The following NAV3 variants were observed in gnomAD, a reference collection of about 807,000 sequenced individuals.
The protein encoded by NAV3 is pore membrane and/or filament interacting like protein 1.
A neutral mutation model predicts 244.7 loss-of-function variants in NAV3; 87 were observed. That is an observed-to-expected ratio of 0.36 (90% CI 0.30 to 0.42). The LOEUF is 0.42. Among genes scored for constraint, NAV3 ranks in the 20% least tolerant of loss-of-function variants. The pLI, the probability that NAV3 is intolerant of heterozygous loss-of-function variation, is 1.00. For synonymous variants in NAV3, 1,126 were observed against 1,042.2 expected, an observed-to-expected ratio of 1.08 and a Z score of -1.55; for missense variants, 2,663 against 2,893.3, an observed-to-expected ratio of 0.92 and a Z score of 1.83.
chr12:77,647,028 C>T (rs554332483), intron 2 of NAV3, among the ~76,000 whole-genome samples: 12 of 150,884 alleles, frequency 8.0e-5, no homozygotes, highest in African/African-American at 2.9e-4. Flanking sequence ...GACATACACA[C>T]ACACATATAT....
At chr12:78,159,358 A>G in intron 23 of NAV3, 72 bp downstream of exon 23, 2 of 1,308,268 alleles carry the variant, frequency 1.5e-6, no homozygotes, top group Non-Finnish European at 2.2e-6. Flanking sequence ...ATAATACCTG[A>G]AGCTCCTTAA....
chr12:77,959,636 G>C (rs1017897934), intron 3 of NAV3, among the ~76,000 whole-genome samples: 1 of 151,648 alleles, frequency 6.6e-6, no homozygotes, highest in Non-Finnish European at 1.5e-5. Context: ...GAAAAAATCA[G>C]CTAAAATGAT....
At position 77,831,587 on chromosome 12, in the gene NAV3, G is replaced by A; in HGVS notation, c.126G>A (p.Leu42=). Residue 42 remains leucine (L), a synonymous_variant, in exon 1 of 40, where the codon TTG becomes TTA. Transcript: ENST00000397909. Reference sequence around the variant, plus strand: ...CACAGCACTGTTCTTCAAGACCTTTGGAACTTACTGAAACAGAGAGCTCCA... The same window carrying A: ...CACAGCACTGTTCTTCAAGACCTTTAGAACTTACTGAAACAGAGAGCTCCA... ...TGSQHCSSRP[L]ELTETESSML... is the part of the protein sequence containing the mutation. 1.2e-6 allele frequency: 2 copies of A among 1,613,990 alleles called. No homozygotes were observed. The highest frequency in any genetic ancestry group is 1.7e-6 in the Non-Finnish European group (2 of 1,179,956).
At chr12:78,148,250 G>T (rs1007198909) in intron 21 of NAV3, among the ~76,000 whole-genome samples, 5 of 151,918 alleles carry the variant, frequency 3.3e-5, no homozygotes, top group Non-Finnish European at 7.4e-5. Flanking sequence ...ATACAGATTT[G>T]GGAAGGCTTC....
At chr12:77,874,521 T>G (rs997672761) in intron 1 of NAV3, among the ~76,000 whole-genome samples, 5 of 152,182 alleles carry the variant, frequency 3.3e-5, no homozygotes, top group Non-Finnish European at 7.3e-5. Context: ...AGCATTCTTT[T>G]TAATCTTTGC....
At chr12:77,576,963 G>A (rs1869116346) in intron 2 of NAV3, among the ~76,000 whole-genome samples, 3 of 152,068 alleles carry the variant, frequency 2.0e-5, no homozygotes, top group Non-Finnish European at 4.4e-5. Context: ...AGCCAATCCT[G>A]AAGCACGGCT....
chr12:77,660,140 C>A (rs1425995289), intron 2 of NAV3, among the ~76,000 whole-genome samples: 1 of 151,804 alleles, frequency 6.6e-6, no homozygotes, highest in Non-Finnish European at 1.5e-5. Context: ...ATGAGATAGT[C>A]ATCTTATTTT....
chr12:78,191,430 A>ACAT (rs2139898770), intron 34 of NAV3, among the ~76,000 whole-genome samples: 1 of 152,258 alleles, frequency 6.6e-6, no homozygotes, highest in Non-Finnish European at 1.5e-5. Flanking sequence ...ACATATGCAC[A>ACAT]GTGCACGCGC....
intron 7 of NAV3, among the ~76,000 whole-genome samples, chr12:78,002,382 C>T (rs1873457421): frequency 6.6e-6 from 1 of 152,196 alleles, no homozygotes; most frequent in South Asian, 2.1e-4. Flanking sequence ...GGGCTTCCTT[C>T]TCTTTGTCTA....
chr12:77,579,517 G>A (rs1187526015), intron 2 of NAV3, among the ~76,000 whole-genome samples: 1 of 152,228 alleles, frequency 6.6e-6, no homozygotes, highest in Non-Finnish European at 1.5e-5. Flanking sequence ...GAAAGAGCAA[G>A]TGGTGGCTGA....
At chr12:77,983,726 A>T (rs1052549342) in intron 5 of NAV3, among the ~76,000 whole-genome samples, 1 of 152,196 alleles carries the variant, frequency 6.6e-6, no homozygotes, top group Admixed American at 6.5e-5. Flanking sequence ...TTACAGGTGA[A>T]GTGAGGAAAC....
At chr12:77,815,550 T>C (rs1872496427) in intron 2 of NAV3, among the ~76,000 whole-genome samples, 1 of 152,216 alleles carries the variant, frequency 6.6e-6, no homozygotes, top group African/African-American at 2.4e-5. Flanking sequence ...AATCCTGATA[T>C]AGCTCCTGAT....
At chr12:77,686,424 CTTTTT>C (rs10573795) in intron 2 of NAV3, among the ~76,000 whole-genome samples, 7,466 of 113,754 alleles carry the variant, frequency 0.066, 433 homozygotes, top group African/African-American at 0.17. Context: ...TTCTTTCTTT[CTTTTT>C]TTTTTTTTTT....
chr12:77,895,977 AAAGAG>A (rs1363634579), intron 1 of NAV3, among the ~76,000 whole-genome samples: 35 of 142,778 alleles, frequency 2.5e-4, no homozygotes, highest in African/African-American at 9.1e-4. Context: ...AAAAAAAAAA[AAAGAG>A]GAACTCTTTT....
At chr12:77,756,565 G>A (rs1286335804) in intron 2 of NAV3, among the ~76,000 whole-genome samples, 5 of 152,132 alleles carry the variant, frequency 3.3e-5, no homozygotes, top group African/African-American at 1.2e-4. Flanking sequence ...AGCCTGGAAT[G>A]TCATATGCAA....
chr12:78,060,646 G>A (rs2125713), intron 12 of NAV3, among the ~76,000 whole-genome samples: 9,099 of 152,130 alleles, frequency 0.06, 611 homozygotes, highest in African/African-American at 0.17. Context: ...GCTGGCAATC[G>A]CATCTAATTA....
chr12:77,781,945 A>G (rs1444885242), intron 2 of NAV3, among the ~76,000 whole-genome samples: 4 of 152,200 alleles, frequency 2.6e-5, no homozygotes, highest in Non-Finnish European at 4.4e-5. Context: ...TGGTCTATTG[A>G]TTAGAAACAA....
At chr12:78,138,592 A>T (rs1202791757) in intron 19 of NAV3, among the ~76,000 whole-genome samples, 2 of 152,166 alleles carry the variant, frequency 1.3e-5, no homozygotes, top group Non-Finnish European at 2.9e-5. Flanking sequence ...TTCCATGTAG[A>T]TAGACAAAAT....
chr12:78,102,766 G>A (rs894582916), intron 12 of NAV3, among the ~76,000 whole-genome samples: 1 of 152,190 alleles, frequency 6.6e-6, no homozygotes, highest in South Asian at 2.1e-4. Flanking sequence ...CCACGTGGAA[G>A]CTGCCAAGGT....
Sources: allele counts gnomAD v4.1 joint callset (sites outside exome capture counted in the v4.1 genomes callset), GRCh38; gene constraint gnomAD v4.1.1; transcripts MANE v1.5; gene names NCBI Gene and HGNC (gene_info 2026-07-23, HGNC 2026-07-21).